The following FYN variants were observed in gnomAD, a reference collection of about 807,000 sequenced individuals.
FYN encodes the protein tyrosine-protein kinase Fyn.
Under a neutral mutation model 70.2 loss-of-function variants are expected in FYN, and 10 were observed. The observed-to-expected ratio is 0.14, with a 90% CI of 0.09 to 0.24. The LOEUF (loss-of-function observed/expected upper bound fraction) is 0.24, where lower values mean the gene tolerates loss of function less well. Ranked by LOEUF, FYN falls within the 10% of genes least tolerant of loss-of-function variation. FYN has a pLI of 1.00. For synonymous variants in FYN, 236 were observed against 248.6 expected (o/e 0.95, Z 0.48); for missense variants, 319 against 673.1 (o/e 0.47, Z 5.82).
chr6:111,794,785 G>A (rs1185882685), intron 2 of FYN, among the ~76,000 whole-genome samples: 1 of 152,116 alleles, frequency 6.6e-6, no homozygotes, highest in Non-Finnish European at 1.5e-5. Context: ...GAGACTGTAT[G>A]GCCCGCAAAG....
At chr6:111,780,265 T>C (rs1771123510) in intron 3 of FYN, among the ~76,000 whole-genome samples, 1 of 152,226 alleles carries the variant, frequency 6.6e-6, no homozygotes, top group Admixed American at 6.5e-5. Context: ...TACTCTTATA[T>C]TATATGGCTG....
At chr6:111,736,171 G>A (rs1801701110) in intron 3 of FYN, among the ~76,000 whole-genome samples, 1 of 152,232 alleles carries the variant, frequency 6.6e-6, no homozygotes, top group East Asian at 1.9e-4. Context: ...AGGTGCAGAT[G>A]AATGTGAGGT....
intron 2 of FYN, among the ~76,000 whole-genome samples, chr6:111,809,449 G>A (rs550418326): frequency 6.6e-6 from 1 of 152,218 alleles, no homozygotes; most frequent in Non-Finnish European, 1.5e-5. Context: ...TGAGTCCTCT[G>A]GATTAGTCAT....
chr6:111,744,260 G>A (rs939892897), intron 3 of FYN, among the ~76,000 whole-genome samples: 4 of 152,190 alleles, frequency 2.6e-5, no homozygotes, highest in Non-Finnish European at 4.4e-5. Context: ...CTGCGTTAGG[G>A]CCCACACCTG....
intron 12 of FYN, among the ~76,000 whole-genome samples, chr6:111,686,852 G>A (rs1799029119): frequency 6.6e-6 from 1 of 152,182 alleles, no homozygotes; most frequent in South Asian, 2.1e-4. Context: ...AATTCTGCAG[G>A]AGCCCTTGAG....
chr6:111,858,895 A>C (rs905862576), intron 1 of FYN, among the ~76,000 whole-genome samples: 1 of 151,656 alleles, frequency 6.6e-6, no homozygotes, highest in African/African-American at 2.4e-5. Context: ...CCTAGAAGAT[A>C]CCATTTATAT....
chr6:111,685,409 A>C (rs1228304779), intron 12 of FYN, among the ~76,000 whole-genome samples: 1 of 152,214 alleles, frequency 6.6e-6, no homozygotes, highest in Non-Finnish European at 1.5e-5. Context: ...GACAAACATC[A>C]CTTTGGGGTG....
At chr6:111,867,400 A>G (rs1426016549) in intron 1 of FYN, among the ~76,000 whole-genome samples, 2 of 138,736 alleles carry the variant, frequency 1.4e-5, no homozygotes, top group African/African-American at 5.5e-5. Flanking sequence ...GGTTGCAGTG[A>G]GCTGAGATCA....
At chr6:111,806,109 GCCC>G (rs2114272257) in intron 2 of FYN, among the ~76,000 whole-genome samples, 1 of 152,290 alleles carries the variant, frequency 6.6e-6, no homozygotes, top group African/African-American at 2.4e-5. Context: ...TTCCTAGGGT[GCCC>G]CAGCACTAGC....
chr6:111,693,550 C>T (rs1435621506), intron 12 of FYN, among the ~76,000 whole-genome samples: 2 of 152,074 alleles, frequency 1.3e-5, no homozygotes, highest in Non-Finnish European at 2.9e-5. Context: ...TCTAATAGCA[C>T]CTGAAAAGCT....
chr6:111,699,516 A>C, intron 9 of FYN: 1 of 1,612,460 alleles, frequency 6.2e-7, no homozygotes, highest in Non-Finnish European at 8.5e-7. Context: ...CTGCCTTACC[A>C]AGCCACACTT....
At chr6:111,822,748 TGAGA>T (rs1421995717) in intron 2 of FYN, among the ~76,000 whole-genome samples, 1 of 149,596 alleles carries the variant, frequency 6.7e-6, no homozygotes, top group Non-Finnish European at 1.5e-5. Flanking sequence ...CAAAGCAGAC[TGAGA>T]GAGATGAGTG....
chr6:111,690,137 A>G (rs1388355824), intron 12 of FYN, among the ~76,000 whole-genome samples: 1 of 152,150 alleles, frequency 6.6e-6, no homozygotes, highest in East Asian at 1.9e-4. Context: ...AATTTCCAGA[A>G]GCAAGGCTTG....
chr6:111,775,691 A>G (rs993555040), intron 3 of FYN, among the ~76,000 whole-genome samples: 4 of 152,224 alleles, frequency 2.6e-5, no homozygotes, highest in African/African-American at 9.6e-5. Context: ...GTGCATAAGC[A>G]CCGCCTGGAG....
chr6:111,761,443 G>A (rs1321488970), intron 3 of FYN, among the ~76,000 whole-genome samples: 1 of 152,208 alleles, frequency 6.6e-6, no homozygotes, highest in Non-Finnish European at 1.5e-5. Flanking sequence ...ATACCTGCTC[G>A]TGGTCTAGTG....
chr6:111,720,708 T>C (rs1420332084), intron 3 of FYN, among the ~76,000 whole-genome samples: 1 of 152,200 alleles, frequency 6.6e-6, no homozygotes, highest in Non-Finnish European at 1.5e-5. Context: ...GATGTCATGA[T>C]AGTCTACAGT....
At chr6:111,703,100 A>G in intron 7 of FYN, 66 bp from the exon 8 acceptor site, 1 of 1,484,152 alleles carries the variant, frequency 6.7e-7, no homozygotes, top group Non-Finnish European at 9.2e-7. Flanking sequence ...TTTAGGCCTC[A>G]TTTTCTTGAC....
intron 12 of FYN, among the ~76,000 whole-genome samples, chr6:111,689,766 G>C (rs1799221437): frequency 1.3e-5 from 2 of 152,180 alleles, no homozygotes; most frequent in African/African-American, 4.8e-5. Context: ...GGCTATTTGT[G>C]GGGGTGGTTA....
intron 2 of FYN, among the ~76,000 whole-genome samples, chr6:111,799,507 C>T (rs1034715249): frequency 2.6e-5 from 4 of 152,178 alleles, no homozygotes; most frequent in African/African-American, 9.7e-5. Context: ...AACTCTAACC[C>T]CCTGGTGTTC....
Sources: allele counts gnomAD v4.1 joint callset (sites outside exome capture counted in the v4.1 genomes callset), GRCh38; gene constraint gnomAD v4.1.1; transcripts MANE v1.5; gene names NCBI Gene and HGNC (gene_info 2026-07-23, HGNC 2026-07-21).